FAF1: variants seen among roughly 807,000 people sequenced by gnomAD.
FAF1 encodes Fas associated factor 1.
FAF1 carries 25 observed loss-of-function variants against 92.5 expected under a neutral mutation model. That is an observed-to-expected ratio of 0.27 (90% CI 0.20 to 0.38). FAF1 has a LOEUF of 0.38. Among genes scored for constraint, FAF1 ranks in the 10% least tolerant of loss-of-function variants. The pLI is 1.00. For synonymous variants in FAF1, 234 were observed against 273.2 expected, an observed-to-expected ratio of 0.86 and a Z score of 1.42; for missense variants, 636 against 793.3, an observed-to-expected ratio of 0.80 and a Z score of 2.38.
At chr1:50,819,638 T>TCACTCACACACACACA (rs1553142955) in intron 2 of FAF1, among the ~76,000 whole-genome samples, 5 of 97,822 alleles carry the variant, frequency 5.1e-5, no homozygotes, top group African/African-American at 2.2e-4. Flanking sequence ...ACTGACTCAC[T>TCACTCACACACACACA]CACACACACA....
chr1:50,584,433 A>G (rs1321286388), intron 10 of FAF1, among the ~76,000 whole-genome samples: 1 of 152,144 alleles, frequency 6.6e-6, no homozygotes, highest in Admixed American at 6.5e-5. Flanking sequence ...GTCATAATTC[A>G]TTATACATGT....
Position 50,874,050 on chromosome 1 carries a change from T to C in FAF1, c.46-16053A>G, listed in dbSNP as rs192985532. ...TATGTGAGACCCAAAATTTGGGGCT[T>C]AGTCTGGGAGGTTCTGATAAAACCA... On this transcript the variant is annotated intron_variant, in intron 1 of 18. Transcript: ENST00000396153. 1.1e-3 allele frequency among the ~76,000 whole-genome samples: 165 copies of C among 152,276 alleles called. 5 individuals carry two copies. The highest frequency in any genetic ancestry group is 8.8e-5 in the Non-Finnish European group (6 of 68,026).
intron 17 of FAF1, among the ~76,000 whole-genome samples, chr1:50,481,003 A>T (rs1646697596): frequency 6.6e-6 from 1 of 152,148 alleles, no homozygotes; most frequent in Non-Finnish European, 1.5e-5. Flanking sequence ...CTTAGTTTTT[A>T]ATAAAAAGTT....
chr1:50,761,210 T>A (rs1032919124), intron 4 of FAF1, among the ~76,000 whole-genome samples: 28 of 152,198 alleles, frequency 1.8e-4, no homozygotes, highest in African/African-American at 5.1e-4. Flanking sequence ...CTTACCAACC[T>A]AAAAGAGTCC....
chr1:50,567,026 A>G (rs1367736666), intron 13 of FAF1, 51 bp downstream of exon 13: 3 of 1,252,650 alleles, frequency 2.4e-6, no homozygotes, highest in East Asian at 2.6e-5. Flanking sequence ...AAACACAATG[A>G]TTTTTTTTTT....
At chr1:50,576,547 TTGG>T (rs1197578647) in intron 12 of FAF1, among the ~76,000 whole-genome samples, 1 of 152,126 alleles carries the variant, frequency 6.6e-6, no homozygotes, top group Admixed American at 6.5e-5. Context: ...CAGGGTACTT[TTGG>T]TGGTGTAGAA....
intron 1 of FAF1, among the ~76,000 whole-genome samples, chr1:50,866,563 C>G (rs1644483260): frequency 6.6e-6 from 1 of 151,992 alleles, no homozygotes; most frequent in African/African-American, 2.4e-5. Flanking sequence ...AGCTGAGAAT[C>G]AAACCGAGAA....
At chr1:50,896,498 T>C (rs972505373) in intron 1 of FAF1, among the ~76,000 whole-genome samples, 7 of 152,300 alleles carry the variant, frequency 4.6e-5, no homozygotes, top group Admixed American at 3.3e-4. Flanking sequence ...GCAGCAATAT[T>C]CATAATAGCC....
chr1:50,889,519 T>G (rs1644701124), intron 1 of FAF1, among the ~76,000 whole-genome samples: 1 of 152,268 alleles, frequency 6.6e-6, no homozygotes, highest in Non-Finnish European at 1.5e-5. Context: ...TAAATTTCCC[T>G]CTACACACTG....
At chr1:50,939,110 T>C (rs190305647) in intron 1 of FAF1, among the ~76,000 whole-genome samples, 46 of 152,346 alleles carry the variant, frequency 3.0e-4, no homozygotes, top group African/African-American at 1.1e-3. Context: ...AAAATAATCT[T>C]GGTAGTTTGA....
At chr1:50,523,552 CTGTAT>C (rs1647621141) in intron 15 of FAF1, among the ~76,000 whole-genome samples, 1 of 152,144 alleles carries the variant, frequency 6.6e-6, no homozygotes, top group African/African-American at 2.4e-5. Flanking sequence ...TGTTGGTCAT[CTGTAT>C]ATCTTTGAAG....
rs1485948042 is a variant in FAF1, at chr1:50,556,005, G to GTA, written c.1268+11070_1268+11071dup. 4.0e-5 allele frequency among the ~76,000 whole-genome samples: 6 copies of GTA among 151,618 alleles called. No individual in the cohort carries two copies. In the South Asian group the frequency reaches 6.3e-4, roughly 16 times the overall value. On this transcript the variant is annotated intron_variant, in intron 13 of 18. Coordinates refer to ENST00000396153, the MANE Select transcript of FAF1 (RefSeq NM_007051.3). ...TATGGTGTGTATATATATGGTGTGT[G>GTA]TATATATAATAGAATACAACTCAGC...
intron 8 of FAF1, among the ~76,000 whole-genome samples, chr1:50,597,572 T>C (rs759591174): frequency 6.6e-6 from 1 of 152,268 alleles, no homozygotes; most frequent in East Asian, 1.9e-4. Flanking sequence ...AATTAAATAA[T>C]TTGACAATTA....
intron 4 of FAF1, among the ~76,000 whole-genome samples, chr1:50,779,574 A>T (rs1661086336): frequency 6.6e-6 from 1 of 151,554 alleles, no homozygotes; most frequent in Non-Finnish European, 1.5e-5. Flanking sequence ...TGAGATAAAT[A>T]TAGAAAATTA....
At chr1:50,505,765 T>C (rs1485663231) in intron 15 of FAF1, among the ~76,000 whole-genome samples, 1 of 152,184 alleles carries the variant, frequency 6.6e-6, no homozygotes, top group African/African-American at 2.4e-5. Context: ...ATATTTACTA[T>C]CTAGCCCTTT....
At chr1:50,651,706 T>C (rs1654872376) in intron 8 of FAF1, among the ~76,000 whole-genome samples, 1 of 152,206 alleles carries the variant, frequency 6.6e-6, no homozygotes, top group African/African-American at 2.4e-5. Context: ...TCAGGCTGTT[T>C]ACACAGCTGA....
chr1:50,885,454 T>G (rs909256152), intron 1 of FAF1, among the ~76,000 whole-genome samples: 2 of 152,144 alleles, frequency 1.3e-5, no homozygotes, highest in Non-Finnish European at 2.9e-5. Context: ...CCTTTGTCTT[T>G]TCTTATAGTT....
At chr1:50,546,757 C>A (rs915298202) in intron 13 of FAF1, among the ~76,000 whole-genome samples, 3 of 152,086 alleles carry the variant, frequency 2.0e-5, no homozygotes, top group Admixed American at 1.3e-4. Flanking sequence ...AAGAAGGAGA[C>A]TTTTTATTAC....
At chr1:50,566,006 A>C (rs1192708323) in intron 13 of FAF1, among the ~76,000 whole-genome samples, 1 of 152,096 alleles carries the variant, frequency 6.6e-6, no homozygotes, top group African/African-American at 2.4e-5. Context: ...ATTTAATTTA[A>C]ACAAATACAG....
Sources: gnomAD v4.1 joint callset for allele counts (sites outside exome capture counted in the v4.1 genomes callset) on GRCh38, gnomAD v4.1.1 for gene constraint, MANE v1.5 for transcripts, NCBI Gene and HGNC (gene_info 2026-07-23, HGNC 2026-07-21) for gene names.